The following NCKAP5 variants were observed in gnomAD, a reference collection of about 807,000 sequenced individuals.
The protein encoded by NCKAP5 is nck-associated protein 5.
NCKAP5 carries 92 observed loss-of-function variants against 167.0 expected under a neutral mutation model. The observed-to-expected ratio is 0.55, with a 90% CI of 0.47 to 0.66. The LOEUF is 0.66. NCKAP5 is among the 30% of genes least tolerant of loss of function. The pLI is 0.00. For missense variants in NCKAP5, 2,378 were observed against 2,315.0 expected, an observed-to-expected ratio of 1.03 and a Z score of -0.56; for synonymous variants, 891 against 877.4, an observed-to-expected ratio of 1.02 and a Z score of -0.27.
intron 3 of NCKAP5, among the ~76,000 whole-genome samples, chr2:133,501,077 C>T (rs931546856): frequency 6.6e-6 from 1 of 152,234 alleles, no homozygotes; most frequent in Non-Finnish European, 1.5e-5. Flanking sequence ...GGACAGATCG[C>T]TGGGCTCCGT....
the NCKAP5 span, among the ~76,000 whole-genome samples, chr2:133,670,345 T>C: frequency 6.6e-6 from 1 of 152,204 alleles, no homozygotes; most frequent in African/African-American, 2.4e-5. Context: ...ACTTCAGCTG[T>C]ATGAATATAT....
At chr2:133,002,489 G>T (rs1357800790) in intron 6 of NCKAP5, among the ~76,000 whole-genome samples, 1 of 152,100 alleles carries the variant, frequency 6.6e-6, no homozygotes, top group East Asian at 1.9e-4. Context: ...TGAACTTCAG[G>T]TAACTAAAAC....
intron 8 of NCKAP5, among the ~76,000 whole-genome samples, chr2:132,921,787 G>A (rs1323392436): frequency 6.6e-6 from 1 of 152,188 alleles, no homozygotes; most frequent in African/African-American, 2.4e-5. Flanking sequence ...TGATTTGGTT[G>A]GAGCTGACTC....
rs565536135 is a variant in NCKAP5 at position 133,320,556 on chromosome 2, G to A, written c.70-17446C>T. On this transcript the variant is annotated intron_variant, in intron 3 of 19. Transcript: ENST00000409261. Reference sequence around the variant, plus strand: ...ATCCTGGCTAACATGGTGAAACCCCGTCTCTACTAAAAATACAGAAAATTA... The same window carrying A: ...ATCCTGGCTAACATGGTGAAACCCCATCTCTACTAAAAATACAGAAAATTA... 4.7e-4 allele frequency among the ~76,000 whole-genome samples: 71 copies of A among 152,112 alleles called. 1 individual carries two copies. The highest frequency in any genetic ancestry group is 1.4e-3 in the East Asian group (7 of 5,150).
At chr2:133,626,086 G>T in the NCKAP5 span, among the ~76,000 whole-genome samples, 1 of 152,160 alleles carries the variant, frequency 6.6e-6, no homozygotes, top group Non-Finnish European at 1.5e-5. Context: ...GCCAGTGAAT[G>T]AGAGAAAGCC....
intron 3 of NCKAP5, among the ~76,000 whole-genome samples, chr2:133,356,051 G>A (rs369416942): frequency 3.3e-4 from 50 of 151,986 alleles, no homozygotes; most frequent in Non-Finnish European, 4.1e-4. Flanking sequence ...TTCAGCCTCC[G>A]GAGTAGCTGG....
chr2:133,124,014 G>A (rs567652832), intron 6 of NCKAP5, among the ~76,000 whole-genome samples: 8 of 152,254 alleles, frequency 5.3e-5, no homozygotes, highest in Non-Finnish European at 1.0e-4. Flanking sequence ...CGAGTTAAGC[G>A]GTAAAACCAT....
intron 5 of NCKAP5, among the ~76,000 whole-genome samples, chr2:133,168,095 T>A (rs1437508490): frequency 1.3e-5 from 2 of 152,052 alleles, no homozygotes; most frequent in Non-Finnish European, 2.9e-5. Context: ...ATTCCCACTC[T>A]CCAGATTAGA....
rs139832038 is a variant in NCKAP5, at chr2:132,702,380, A to T, written c.5713+23247T>A. On this transcript the variant is annotated intron_variant, in intron 19 of 19. Coordinates refer to ENST00000409261, the MANE Select transcript of NCKAP5 (RefSeq NM_207363.3). ...TCTCGCTCCTCAGGGACCAGGGAAGATATTTTAGGTGATCAGTTGGCTTAG... is the reference window on the plus strand; with the variant it reads ...TCTCGCTCCTCAGGGACCAGGGAAGTTATTTTAGGTGATCAGTTGGCTTAG... Among the ~76,000 whole-genome samples, 579 of 152,212 alleles carry T rather than the reference A, an allele frequency of 3.8e-3. 1 individual carries two copies. The highest frequency in any genetic ancestry group is 0.014 in the African/African-American group (561 of 41,542).
At position 132,672,953 on chromosome 2, in the gene NCKAP5, T is replaced by TGGGGGGGGGG; in HGVS notation, c.*335_*336insCCCCCCCCCC. Reference sequence around the variant, plus strand: ...GTTTATTGTTATCTCTATCAAGCGGTGCACCCCCCACCCCCCACCCATCAT... The same window carrying TGGGGGGGGGG: ...GTTTATTGTTATCTCTATCAAGCGGTGGGGGGGGGGGCACCCCCCACCCCCCACCCATCAT... On this transcript the variant is annotated 3_prime_UTR_variant, in exon 20 of 20. Coordinates refer to ENST00000409261, the MANE Select transcript of NCKAP5 (RefSeq NM_207363.3). The TGGGGGGGGGG allele has an allele frequency of 1.5e-6, 1 of 672,082 alleles. No individual in the cohort carries two copies. The highest frequency in any genetic ancestry group is 1.8e-6 in the Non-Finnish European group (1 of 547,588). 41.6% of individuals were successfully genotyped at this position (672,082 alleles called of 1,614,324 possible).
At chr2:133,075,010 G>A (rs561026150) in intron 6 of NCKAP5, among the ~76,000 whole-genome samples, 193 of 151,788 alleles carry the variant, frequency 1.3e-3, no homozygotes, top group Non-Finnish European at 2.5e-3. Context: ...ATATCAAGCA[G>A]TAAAATAAAA....
chr2:133,399,766 T>A (rs1443539150), intron 3 of NCKAP5, among the ~76,000 whole-genome samples: 1 of 152,176 alleles, frequency 6.6e-6, no homozygotes, highest in Non-Finnish European at 1.5e-5. Context: ...CAGTACAGGC[T>A]TTTGTGTATT....
rs1026081097 is a variant in NCKAP5 at position 133,349,355 on chromosome 2, C to T, written c.70-46245G>A. Among the ~76,000 whole-genome samples, 4 of 152,230 alleles carry T rather than the reference C, an allele frequency of 2.6e-5. No homozygotes were observed. The East Asian group carries it at 7.7e-4, about 29-fold the overall frequency. On this transcript the variant is annotated intron_variant, in intron 3 of 19. Coordinates refer to ENST00000409261, the MANE Select transcript of NCKAP5 (RefSeq NM_207363.3). ...AAGGCTGCCACAGTGGGCCTGACTT[C>T]TGCTCCGCACAGCAGCACACACCTG... is the stretch of plus-strand genomic sequence containing the variant.
chr2:133,319,677 G>A (rs1046042379), intron 3 of NCKAP5, among the ~76,000 whole-genome samples: 1 of 152,082 alleles, frequency 6.6e-6, no homozygotes, highest in Middle Eastern at 3.2e-3. Context: ...CTATTCTAAT[G>A]CTTATTTTTC....
In NCKAP5 at chr2:132,901,413, G is replaced by A. The variant is rs117832551; in HGVS notation, c.580-22497C>T. 5.6e-3 allele frequency among the ~76,000 whole-genome samples: 851 copies of A among 152,272 alleles called. 15 individuals carry two copies. The highest frequency in any genetic ancestry group is 0.042 in the East Asian group (218 of 5,182). On this transcript the variant is annotated intron_variant, in intron 8 of 19. Transcript: ENST00000409261. The stretch of plus-strand genomic sequence containing the variant: ...ATCAGACAACTGCTCTAGTGTGATC[G>A]TGGTTACCACTCCATAGAATTGGAA...
intron 3 of NCKAP5, among the ~76,000 whole-genome samples, chr2:133,408,735 G>A (rs1008095620): frequency 6.6e-6 from 1 of 152,240 alleles, no homozygotes; most frequent in African/African-American, 2.4e-5. Flanking sequence ...ACAGAAACAT[G>A]AGCAGAAGTA....
chr2:133,103,919 G>C (rs549829009), intron 6 of NCKAP5, among the ~76,000 whole-genome samples: 1 of 152,072 alleles, frequency 6.6e-6, no homozygotes, highest in South Asian at 2.1e-4. Context: ...AGGCAAATGA[G>C]AAATAACTCT....
intron 5 of NCKAP5, among the ~76,000 whole-genome samples, chr2:133,177,349 A>G (rs1540444): frequency 6.6e-6 from 1 of 151,804 alleles, no homozygotes; most frequent in East Asian, 1.9e-4. Context: ...GAGAGATTTA[A>G]TCACATTCCC....
At chr2:133,001,541 C>T (rs571824579) in intron 6 of NCKAP5, among the ~76,000 whole-genome samples, 1 of 152,220 alleles carries the variant, frequency 6.6e-6, no homozygotes, top group East Asian at 1.9e-4. Flanking sequence ...TTTAAAAATG[C>T]ATACATTGAG....
Sources: gnomAD v4.1 joint callset for allele counts (sites outside exome capture counted in the v4.1 genomes callset) on GRCh38, gnomAD v4.1.1 for gene constraint, MANE v1.5 for transcripts, NCBI Gene and HGNC (gene_info 2026-07-23, HGNC 2026-07-21) for gene names.